STAG1: variants seen among roughly 807,000 people sequenced by gnomAD.
STAG1 encodes the protein cohesin subunit SA-1.
In STAG1, 26 loss-of-function variants were observed where a neutral mutation model predicts 170.9. That is an observed-to-expected ratio of 0.15 (90% CI 0.11 to 0.21). STAG1 has a LOEUF of 0.21. Among genes scored for constraint, STAG1 ranks in the 10% least tolerant of loss-of-function variants. The pLI, the probability that STAG1 is intolerant of heterozygous loss-of-function variation, is 1.00. For synonymous variants in STAG1, 514 were observed against 497.7 expected, an observed-to-expected ratio of 1.03 and a Z score of -0.44; for missense variants, 964 against 1,509.5, an observed-to-expected ratio of 0.64 and a Z score of 5.99.
chr3:136,670,746 A>G (rs899248560), intron 1 of STAG1, among the ~76,000 whole-genome samples: 1 of 151,938 alleles, frequency 6.6e-6, no homozygotes, highest in Non-Finnish European at 1.5e-5. Context: ...TGCTGGGATT[A>G]CAGGTCTGAG....
chr3:136,529,619 C>A (rs1190021667), intron 6 of STAG1, among the ~76,000 whole-genome samples: 2 of 152,066 alleles, frequency 1.3e-5, no homozygotes, highest in Admixed American at 1.3e-4. Context: ...TCCATCACCA[C>A]CAGATCTGTT....
intron 5 of STAG1, among the ~76,000 whole-genome samples, chr3:136,548,922 C>A (rs1227906362): frequency 6.6e-6 from 1 of 152,130 alleles, no homozygotes; most frequent in Non-Finnish European, 1.5e-5. Context: ...ACCTCTCCTC[C>A]CTCTCTTCCT....
intron 29 of STAG1, among the ~76,000 whole-genome samples, chr3:136,345,181 C>T (rs1936168259): frequency 6.6e-6 from 1 of 152,118 alleles, no homozygotes; most frequent in Non-Finnish European, 1.5e-5. Flanking sequence ...CCTCCGCCTC[C>T]TAAGTTCAAG....
chr3:136,466,441 GAAGTTAAGAGAAAAAAGAGTAAA>G, intron 12 of STAG1, among the ~76,000 whole-genome samples: 1 of 152,234 alleles, frequency 6.6e-6, no homozygotes. Context: ...AGTGAGAAGA[GAAGTTAAGAGAAAAAAGAGTAAA>G]AAGAAACGAA....
At chr3:136,369,772 T>C (rs1398615737) in intron 23 of STAG1, among the ~76,000 whole-genome samples, 2 of 152,234 alleles carry the variant, frequency 1.3e-5, no homozygotes, top group African/African-American at 2.4e-5. Context: ...AAAATGTCAG[T>C]GTACTACTGC....
intron 6 of STAG1, among the ~76,000 whole-genome samples, chr3:136,527,267 T>A (rs1257874648): frequency 6.6e-6 from 1 of 152,244 alleles, no homozygotes; most frequent in Non-Finnish European, 1.5e-5. Context: ...CATAGTCCCA[T>A]ATTTCTTGGA....
intron 1 of STAG1, among the ~76,000 whole-genome samples, chr3:136,681,193 G>A (rs1942322562): frequency 6.6e-6 from 1 of 152,142 alleles, no homozygotes; most frequent in Non-Finnish European, 1.5e-5. Flanking sequence ...ACGAAGTTAT[G>A]TATATGATAT....
intron 7 of STAG1, among the ~76,000 whole-genome samples, chr3:136,514,285 T>C (rs1426737205): frequency 6.6e-6 from 1 of 152,166 alleles, no homozygotes; most frequent in African/African-American, 2.4e-5. Flanking sequence ...AGAAGACATT[T>C]ATGCAGCCAA....
rs114283166 is a variant in STAG1 at position 136,621,513 on chromosome 3, T to C, written c.132+1633A>G. On this transcript the variant is annotated intron_variant, in intron 3 of 33. Coordinates refer to ENST00000383202, the MANE Select transcript of STAG1 (RefSeq NM_005862.3). ...AGCTTCCAAGTGCAAAACTCTCACT[T>C]TTCCCAAAATACGTTTGTAAAGAAT... Among the ~76,000 whole-genome samples, 402 of 152,306 alleles carry C rather than the reference T, an allele frequency of 2.6e-3. 3 individuals are homozygous for C. Among genetic ancestry groups the C allele is most frequent in the African/African-American group, 9.3e-3 (386 of 41,572 alleles).
intron 5 of STAG1, among the ~76,000 whole-genome samples, chr3:136,548,118 T>C (rs1936236107): frequency 6.6e-6 from 1 of 151,366 alleles, no homozygotes; most frequent in East Asian, 1.9e-4. Flanking sequence ...TGTTTTGTTT[T>C]GTTTTTTTTT....
At position 136,578,762 on chromosome 3, in the gene STAG1, G is replaced by C. The variant is rs976447175; in HGVS notation, c.298-9901C>G. Among the ~76,000 whole-genome samples the C allele has an allele frequency of 3.3e-5, 5 of 152,192 alleles. No homozygotes were observed. In the East Asian group the frequency reaches 9.6e-4, roughly 29 times the overall value. On this transcript the variant is annotated intron_variant, in intron 4 of 33. Coordinates refer to ENST00000383202, the MANE Select transcript of STAG1 (RefSeq NM_005862.3). ...CAGTGGTCAGGTAATAGATGATGGA[G>C]TTGTAACTCATGTCTGTCTAAGAGT... is the stretch of plus-strand genomic sequence containing the variant.
intron 1 of STAG1, among the ~76,000 whole-genome samples, chr3:136,740,317 G>A (rs1934597390): frequency 6.6e-6 from 1 of 152,134 alleles, no homozygotes; most frequent in Non-Finnish European, 1.5e-5. Context: ...TACTACAAAA[G>A]CTTCTCCATA....
At chr3:136,579,821 T>C (rs1937552514) in intron 4 of STAG1, among the ~76,000 whole-genome samples, 1 of 152,192 alleles carries the variant, frequency 6.6e-6, no homozygotes, top group Non-Finnish European at 1.5e-5. Context: ...GCTGTCAGTG[T>C]ATACGTATAA....
intron 6 of STAG1, among the ~76,000 whole-genome samples, chr3:136,534,204 T>C (rs1335596834): frequency 6.6e-6 from 1 of 152,134 alleles, no homozygotes; most frequent in Non-Finnish European, 1.5e-5. Context: ...TGGATATCCA[T>C]ATGCAGAAGA....
intron 1 of STAG1, among the ~76,000 whole-genome samples, chr3:136,681,214 C>T (rs928416376): frequency 6.6e-6 from 1 of 152,136 alleles, no homozygotes; most frequent in Admixed American, 6.5e-5. Flanking sequence ...GCAGGGCTGA[C>T]TGTACACATA....
intron 1 of STAG1, among the ~76,000 whole-genome samples, chr3:136,728,755 A>C (rs1933832060): frequency 6.6e-6 from 1 of 152,242 alleles, no homozygotes; most frequent in African/African-American, 2.4e-5. Context: ...AAGTTACATT[A>C]AACAGCACTA....
Position 136,643,256 on chromosome 3 carries a change from G to C in STAG1, c.-83-12275C>G, listed in dbSNP as rs1334412832. ...TTTACGAAGCAACTCCTCTATGCTA[G>C]GCACTATTCTAATTAGCTACAAACA... is the stretch of plus-strand genomic sequence containing the variant. On this transcript the variant is annotated intron_variant, in intron 1 of 33. Coordinates refer to ENST00000383202, the MANE Select transcript of STAG1 (RefSeq NM_005862.3). Among the ~76,000 whole-genome samples the C allele has an allele frequency of 2.0e-5, 3 of 152,120 alleles. No homozygotes were observed. The East Asian group carries it at 5.8e-4, about 29-fold the overall frequency.
intron 21 of STAG1, among the ~76,000 whole-genome samples, chr3:136,408,456 A>G (rs2087542623): frequency 6.6e-6 from 1 of 151,604 alleles, no homozygotes; most frequent in Admixed American, 6.6e-5. Flanking sequence ...CCACAAAAGA[A>G]AGTATTAGGT....
chr3:136,523,023 A>G (rs941712812), intron 6 of STAG1, among the ~76,000 whole-genome samples: 1 of 152,170 alleles, frequency 6.6e-6, no homozygotes, highest in Non-Finnish European at 1.5e-5. Context: ...GTGCCGCAAT[A>G]AACATACGTG....
Sources: allele counts gnomAD v4.1 joint callset (sites outside exome capture counted in the v4.1 genomes callset), GRCh38; gene constraint gnomAD v4.1.1; transcripts MANE v1.5; gene names NCBI Gene and HGNC (gene_info 2026-07-23, HGNC 2026-07-21).